Variants in JMJD1C observed in about 807,000 individuals in gnomAD.
JMJD1C encodes jumonji domain-containing protein 1C.
Under a neutral mutation model 245.3 loss-of-function variants are expected in JMJD1C, and 31 were observed. The observed-to-expected ratio is 0.13, with a 90% CI of 0.09 to 0.17. JMJD1C has a LOEUF of 0.17. Among genes scored for constraint, JMJD1C ranks in the 10% least tolerant of loss-of-function variants. The probability of loss-of-function intolerance (pLI) is 1.00; values close to 1 mark genes in which losing one functional copy is unlikely to be tolerated. For missense variants in JMJD1C, 2,691 were observed against 3,000.2 expected (o/e 0.90, Z 2.41); for synonymous variants, 1,057 against 1,017.4 (o/e 1.04, Z -0.74).
At chr10:63,467,026 CAG>C (rs1461120455), upstream of JMJD1C, among the ~76,000 whole-genome samples, 9 of 151,714 alleles carry the variant, frequency 5.9e-5, no homozygotes, top group East Asian at 1.9e-4. Flanking sequence ...AAAAAGTTAA[CAG>C]AGTTTACAGT....
At chr10:63,181,796 C>A (rs1235066073) in intron 22 of JMJD1C, among the ~76,000 whole-genome samples, 2 of 152,154 alleles carry the variant, frequency 1.3e-5, no homozygotes, top group African/African-American at 4.8e-5. Flanking sequence ...AGGGAAAGAT[C>A]TGAACAAACT....
intron 3 of JMJD1C, chr10:63,222,164 T>C: frequency 2.7e-6 from 2 of 743,180 alleles, no homozygotes; most frequent in Non-Finnish European, 5.1e-6. Flanking sequence ...CATGAGTCAT[T>C]TCAAGTTTAT....
At chr10:63,399,341 T>C (rs1490973983) in intron 1 of JMJD1C, among the ~76,000 whole-genome samples, 1 of 152,164 alleles carries the variant, frequency 6.6e-6, no homozygotes, top group East Asian at 1.9e-4. Flanking sequence ...CAACCATATA[T>C]CCAAGGAACC....
intron 1 of JMJD1C, among the ~76,000 whole-genome samples, chr10:63,507,228 C>A (rs556521564): frequency 6.6e-6 from 1 of 152,122 alleles, no homozygotes; most frequent in Non-Finnish European, 1.5e-5. Flanking sequence ...TAAACATTTG[C>A]GTGCAGGTTT....
chr10:63,183,181 C>A (rs1057372938), intron 22 of JMJD1C, among the ~76,000 whole-genome samples: 1 of 151,888 alleles, frequency 6.6e-6, no homozygotes, highest in Non-Finnish European at 1.5e-5. Flanking sequence ...TTTACAAGTG[C>A]GCTTAATGGT....
At chr10:63,282,664 G>A (rs1001571645) in intron 2 of JMJD1C, among the ~76,000 whole-genome samples, 4 of 152,112 alleles carry the variant, frequency 2.6e-5, no homozygotes, top group Non-Finnish European at 5.9e-5. Flanking sequence ...CTCCTCTCAG[G>A]TCAATAAAAT....
At chr10:63,330,371 C>T (rs1342641604) in intron 2 of JMJD1C, among the ~76,000 whole-genome samples, 6 of 152,036 alleles carry the variant, frequency 3.9e-5, no homozygotes, top group Non-Finnish European at 8.8e-5. Flanking sequence ...GTAAATAATT[C>T]TATTTATGTA....
intron 1 of JMJD1C, among the ~76,000 whole-genome samples, chr10:63,518,433 T>C (rs1393648019): frequency 6.6e-6 from 1 of 152,212 alleles, no homozygotes; most frequent in Non-Finnish European, 1.5e-5. Flanking sequence ...TAACATATAT[T>C]TCGACGTGGG....
intron 2 of JMJD1C, among the ~76,000 whole-genome samples, chr10:63,351,373 C>T (rs1944348366): frequency 1.3e-5 from 2 of 152,146 alleles, no homozygotes; most frequent in African/African-American, 4.8e-5. Flanking sequence ...GAGGTGTGAG[C>T]CACTGCACCC....
intron 8 of JMJD1C, among the ~76,000 whole-genome samples, 153 bp downstream of exon 8, chr10:63,213,320 T>C (rs191443997): frequency 6.0e-4 from 92 of 152,250 alleles, no homozygotes; most frequent in Admixed American, 5.1e-3. Flanking sequence ...CAGCTCCCAC[T>C]CTTGAGGTTA....
chr10:63,393,124 C>T (rs1179377830), intron 1 of JMJD1C, among the ~76,000 whole-genome samples: 9 of 151,846 alleles, frequency 5.9e-5, no homozygotes, highest in African/African-American at 1.2e-4. Context: ...AAAAATTAGC[C>T]GGATGTGGTG....
intron 1 of JMJD1C, among the ~76,000 whole-genome samples, chr10:63,386,929 T>A (rs1383168142): frequency 6.6e-6 from 1 of 152,154 alleles, no homozygotes; most frequent in African/African-American, 2.4e-5. Flanking sequence ...AAAACAGACA[T>A]GATCTTCTGA....
chr10:63,342,126 T>C (rs1239727983), intron 2 of JMJD1C, among the ~76,000 whole-genome samples: 1 of 152,258 alleles, frequency 6.6e-6, no homozygotes, highest in Non-Finnish European at 1.5e-5. Context: ...AGGAAGTAGA[T>C]AACGAAGACG....
chr10:63,386,597 C>T (rs1480528538), intron 1 of JMJD1C, among the ~76,000 whole-genome samples: 1 of 152,174 alleles, frequency 6.6e-6, no homozygotes, highest in East Asian at 1.9e-4. Context: ...TTCCAGGGGC[C>T]AGGGTCCATT....
At chr10:63,479,926 G>A (rs1405371670) in intron 1 of JMJD1C, among the ~76,000 whole-genome samples, 1 of 152,144 alleles carries the variant, frequency 6.6e-6, no homozygotes, top group Non-Finnish European at 1.5e-5. Flanking sequence ...CAAAAACAGG[G>A]AAGAGATTTT....
chr10:63,454,746 T>C (rs1424685635), intron 1 of JMJD1C, among the ~76,000 whole-genome samples: 2 of 152,216 alleles, frequency 1.3e-5, no homozygotes, highest in Admixed American at 6.5e-5. Flanking sequence ...TTTCATTTTA[T>C]TGAAGTGCCA....
chr10:63,277,731 C>CTTTTTTTTTTTTTTTTTTTT lies in JMJD1C; in HGVS notation c.334-12987_334-12968dup, dbSNP rs35442695. 1.3e-3 allele frequency among the ~76,000 whole-genome samples: 81 copies of CTTTTTTTTTTTTTTTTTTTT among 64,272 alleles called. 13 individuals are homozygous for CTTTTTTTTTTTTTTTTTTTT. Among genetic ancestry groups the CTTTTTTTTTTTTTTTTTTTT allele is most frequent in the African/African-American group, 2.9e-3 (41 of 14,168 alleles). The allele number at this position is 64,272 out of a possible 152,430, so 42.2% of individuals were successfully genotyped here. A position where few individuals can be genotyped will look rare whatever the true frequency, so the allele number is the denominator to read the frequency against. ...TATTCATTGAGAGTAATTTGCATTT[C>CTTTTTTTTTTTTTTTTTTTT]TTTTTTTTTTTTTTTTTTTTTTTTG... is the stretch of plus-strand genomic sequence containing the variant. On this transcript the variant is annotated intron_variant, in intron 2 of 25. Coordinates refer to ENST00000399262, the MANE Select transcript of JMJD1C (RefSeq NM_032776.3).
At chr10:63,408,633 C>T (rs1396109038) in intron 1 of JMJD1C, among the ~76,000 whole-genome samples, 1 of 151,662 alleles carries the variant, frequency 6.6e-6, no homozygotes. Context: ...TATATCCAGT[C>T]AGGTCTGAGT....
intron 2 of JMJD1C, among the ~76,000 whole-genome samples, chr10:63,346,565 A>G (rs1466180328): frequency 6.6e-6 from 1 of 152,232 alleles, no homozygotes; most frequent in Non-Finnish European, 1.5e-5. Flanking sequence ...TGCCAAATAA[A>G]GCAAATAAAC....
Sources: allele counts gnomAD v4.1 joint callset (sites outside exome capture counted in the v4.1 genomes callset), GRCh38; gene constraint gnomAD v4.1.1; transcripts MANE v1.5; gene names NCBI Gene and HGNC (gene_info 2026-07-23, HGNC 2026-07-21).